Variants in UVRAG observed in about 807,000 individuals in gnomAD.
UVRAG encodes UV radiation resistance-associated gene protein.
Under a neutral mutation model 78.0 loss-of-function variants are expected in UVRAG, and 19 were observed. That is an observed-to-expected ratio of 0.24 (90% confidence interval 0.17 to 0.36). The LOEUF (loss-of-function observed/expected upper bound fraction) is 0.36. Among genes scored for constraint, UVRAG ranks in the 10% least tolerant of loss-of-function variants. The probability of loss-of-function intolerance (pLI) is 1.00; values close to 1 mark genes in which losing one functional copy is unlikely to be tolerated. For synonymous variants in UVRAG, 323 were observed against 324.6 expected (o/e 1.00, Z 0.05); for missense variants, 740 against 853.8 (o/e 0.87, Z 1.66).
At position 75,862,128 on chromosome 11, in the gene UVRAG, G is replaced by A. The variant is rs150035316; in HGVS notation, c.270+348G>A. Among the ~76,000 whole-genome samples, 79 of 152,120 alleles carry A rather than the reference G, an allele frequency of 5.2e-4. 2 individuals carry two copies. In the East Asian group the frequency reaches 0.012, roughly 23 times the overall value. ...GAAAAAAATATTTACTGAATGAACT[G>A]ATTTTTCTGTTAAGAACTTTAAATG... On this transcript the variant is annotated intron_variant, in intron 3 of 14. Coordinates refer to ENST00000356136, the MANE Select transcript of UVRAG (RefSeq NM_003369.4).
At chr11:75,858,388 C>G (rs1268590408) in intron 2 of UVRAG, among the ~76,000 whole-genome samples, 1 of 152,124 alleles carries the variant, frequency 6.6e-6, no homozygotes, top group African/African-American at 2.4e-5. Flanking sequence ...CTGTACCTTG[C>G]ATTTTTCACT....
intron 8 of UVRAG, among the ~76,000 whole-genome samples, chr11:75,992,638 C>G (rs1282697075): frequency 6.6e-6 from 1 of 152,100 alleles, no homozygotes; most frequent in African/African-American, 2.4e-5. Context: ...CTAGCATAAC[C>G]TGGTCTACTT....
intron 10 of UVRAG, 109 bp from the exon 11 acceptor site, chr11:76,008,698 C>G: frequency 1.9e-6 from 1 of 531,614 alleles, no homozygotes; most frequent in Non-Finnish European, 3.3e-6. Flanking sequence ...TATGATAATA[C>G]TTGGAGTTTA....
At chr11:76,054,191 G>A (rs1055743544) in intron 12 of UVRAG, among the ~76,000 whole-genome samples, 1 of 152,010 alleles carries the variant, frequency 6.6e-6, no homozygotes, top group African/African-American at 2.4e-5. Context: ...CATTCTGTCA[G>A]TTGCTTAGGT....
intron 8 of UVRAG, among the ~76,000 whole-genome samples, chr11:75,989,315 C>G (rs1416617347): frequency 6.6e-6 from 1 of 152,094 alleles, no homozygotes; most frequent in Admixed American, 6.5e-5. Context: ...TCCCAAAGTG[C>G]TAGGATTACA....
intron 12 of UVRAG, among the ~76,000 whole-genome samples, chr11:76,049,661 A>G (rs1156530886): frequency 6.6e-6 from 1 of 152,226 alleles, no homozygotes; most frequent in Non-Finnish European, 1.5e-5. Context: ...CGCCACTTCT[A>G]CTTCACCCAT....
At chr11:76,026,881 A>G (rs1950334954) in intron 12 of UVRAG, among the ~76,000 whole-genome samples, 1 of 152,016 alleles carries the variant, frequency 6.6e-6, no homozygotes, top group East Asian at 1.9e-4. Flanking sequence ...TAACTTGAAA[A>G]ATCTCTGTTC....
intron 12 of UVRAG, among the ~76,000 whole-genome samples, chr11:76,022,692 T>G (rs1950267303): frequency 6.6e-6 from 1 of 152,224 alleles, no homozygotes; most frequent in South Asian, 2.1e-4. Flanking sequence ...GGCATATAGT[T>G]GGAGCATGCC....
At chr11:75,915,665 G>A (rs966949817) in intron 6 of UVRAG, among the ~76,000 whole-genome samples, 1 of 152,166 alleles carries the variant, frequency 6.6e-6, no homozygotes, top group African/African-American at 2.4e-5. Flanking sequence ...TTATAAATAA[G>A]CATTCAGTTT....
At chr11:75,897,546 A>G (rs970030739) in intron 5 of UVRAG, among the ~76,000 whole-genome samples, 1 of 152,100 alleles carries the variant, frequency 6.6e-6, no homozygotes, top group Admixed American at 6.5e-5. Context: ...TATTTTTGAG[A>G]TGGCATCTCA....
At chr11:75,846,456 A>T (rs989451335) in intron 1 of UVRAG, among the ~76,000 whole-genome samples, 1 of 152,192 alleles carries the variant, frequency 6.6e-6, no homozygotes, top group Non-Finnish European at 1.5e-5. Context: ...GTATCTAGAA[A>T]GTCCTCACAA....
chr11:75,988,895 T>C (rs1312228379), intron 8 of UVRAG, among the ~76,000 whole-genome samples: 3 of 152,164 alleles, frequency 2.0e-5, no homozygotes, highest in Non-Finnish European at 4.4e-5. Context: ...CTTTCATCTG[T>C]TTTTTGGAAA....
At position 75,879,869 on chromosome 11, in the gene UVRAG, T is replaced by G; in HGVS notation, c.271-10T>G. ...GTTGTCCTAAAGCGTGTTTTCATTT[T>G]CATGAGCAGAATCCCACGTGGCGAA... On this transcript the variant is annotated splice_polypyrimidine_tract_variant and intron_variant, in intron 3 of 14. Coordinates refer to ENST00000356136, the MANE Select transcript of UVRAG (RefSeq NM_003369.4). The G allele has an allele frequency of 1.9e-6, 3 of 1,612,972 alleles. No homozygotes were observed. The South Asian group carries it at 3.3e-5, about 18-fold the overall frequency.
intron 2 of UVRAG, among the ~76,000 whole-genome samples, chr11:75,852,445 A>G (rs770539952): frequency 2.6e-5 from 4 of 152,070 alleles, no homozygotes; most frequent in East Asian, 1.9e-4. Context: ...TCAGTTTTAT[A>G]TATTGTACTG....
chr11:75,992,222 A>G (rs188017928), intron 8 of UVRAG, among the ~76,000 whole-genome samples: 1 of 152,168 alleles, frequency 6.6e-6, no homozygotes, highest in African/African-American at 2.4e-5. Context: ...AGAATTTTAT[A>G]GATATCTCTT....
At chr11:75,943,131 G>A (rs1485209772) in intron 6 of UVRAG, among the ~76,000 whole-genome samples, 1 of 151,940 alleles carries the variant, frequency 6.6e-6, no homozygotes, top group Admixed American at 6.6e-5. Flanking sequence ...GTTTGGGAGG[G>A]TACAAATATT....
intron 12 of UVRAG, among the ~76,000 whole-genome samples, chr11:76,019,902 G>A (rs966446980): frequency 2.0e-5 from 3 of 152,136 alleles, no homozygotes; most frequent in African/African-American, 7.3e-5. Context: ...CCAGGATTGT[G>A]TCCTTCCCTT....
chr11:75,899,893 A>T (rs1313294943), intron 5 of UVRAG, among the ~76,000 whole-genome samples: 1 of 152,198 alleles, frequency 6.6e-6, no homozygotes, highest in East Asian at 1.9e-4. Context: ...CTTCCCTCTG[A>T]GTCTTTTTTC....
At chr11:75,906,785 T>C (rs1947624951) in intron 5 of UVRAG, among the ~76,000 whole-genome samples, 1 of 152,232 alleles carries the variant, frequency 6.6e-6, no homozygotes, top group Admixed American at 6.5e-5. Context: ...AAGACTTATT[T>C]CCCCATTGAG....
Sources: allele counts gnomAD v4.1 joint callset (sites outside exome capture counted in the v4.1 genomes callset), GRCh38; gene constraint gnomAD v4.1.1; transcripts MANE v1.5; gene names NCBI Gene and HGNC (gene_info 2026-07-23, HGNC 2026-07-21).